Variants in THSD7A observed in about 807,000 individuals in gnomAD.
THSD7A encodes thrombospondin type-1 domain-containing protein 7A.
Under a neutral mutation model 231.3 loss-of-function variants are expected in THSD7A, and 96 were observed. The ratio of observed to expected loss-of-function variants is 0.41; its 90% CI spans 0.35 to 0.49. The LOEUF (loss-of-function observed/expected upper bound fraction) is 0.49. Among genes scored for constraint, THSD7A ranks in the 20% least tolerant of loss-of-function variants. THSD7A has a pLI of 0.05. For missense variants in THSD7A, 2,290 were observed against 2,070.2 expected (o/e 1.11, Z -2.06); for synonymous variants, 940 against 743.3 (o/e 1.26, Z -4.30).
chr7:11,558,921 T>C (rs1789961296), intron 4 of THSD7A, among the ~76,000 whole-genome samples: 2 of 152,142 alleles, frequency 1.3e-5, no homozygotes, highest in South Asian at 4.1e-4. Flanking sequence ...CCCAATCTAC[T>C]TACATTATTA....
Position 11,436,271 on chromosome 7 carries a change from GATTT to G in THSD7A, c.3065-7150_3065-7147del, listed in dbSNP as rs571509802. ...TATTAATTTTGAAGCTTATTAAAAT[GATTT>G]ATTTTTAACTTGATCCAGTGCAATG... On this transcript the variant is annotated intron_variant, in intron 13 of 27. Coordinates refer to ENST00000423059, the MANE Select transcript of THSD7A (RefSeq NM_015204.3). Among the ~76,000 whole-genome samples, 683 of 152,170 alleles carry G rather than the reference GATTT, an allele frequency of 4.5e-3. 5 individuals carry two copies. The highest frequency in any genetic ancestry group is 0.016 in the African/African-American group (644 of 41,540).
intron 6 of THSD7A, among the ~76,000 whole-genome samples, chr7:11,531,575 A>G (rs1054686359): frequency 6.6e-6 from 1 of 152,162 alleles, no homozygotes; most frequent in Admixed American, 6.5e-5. Context: ...TTCTGCCCTA[A>G]ATGTTCTCTT....
At chr7:11,794,044 T>C (rs1784046636) in intron 1 of THSD7A, among the ~76,000 whole-genome samples, 1 of 151,862 alleles carries the variant, frequency 6.6e-6, no homozygotes, top group South Asian at 2.1e-4. Context: ...TGAAAGATAA[T>C]TGGAAGAAAC....
intron 1 of THSD7A, among the ~76,000 whole-genome samples, chr7:11,818,219 T>C (rs1784769598): frequency 6.6e-6 from 1 of 152,198 alleles, no homozygotes; most frequent in Non-Finnish European, 1.5e-5. Flanking sequence ...GAAAACATTT[T>C]CTACAGACTA....
intron 2 of THSD7A, among the ~76,000 whole-genome samples, chr7:11,618,305 T>C (rs901813310): frequency 6.6e-6 from 1 of 152,212 alleles, no homozygotes; most frequent in Non-Finnish European, 1.5e-5. Flanking sequence ...TGTATACACA[T>C]GCATATTGTA....
Position 11,607,012 on chromosome 7 carries a change from A to C in THSD7A, c.1023-13510T>G, listed in dbSNP as rs144143523. On this transcript the variant is annotated intron_variant, in intron 2 of 27. Coordinates refer to ENST00000423059, the MANE Select transcript of THSD7A (RefSeq NM_015204.3). ...CCCTAGAACTTAAAGTATAATAATA[A>C]AAAAATATATATATAAAAGAAAAAG... is the stretch of plus-strand genomic sequence containing the variant. Among the ~76,000 whole-genome samples the C allele has an allele frequency of 3.8e-3, 582 of 151,774 alleles. 20 individuals are homozygous for C. In the East Asian group the frequency reaches 0.078, roughly 20 times the overall value.
At chr7:11,611,787 AACACACACACACACACACAC>A (rs56683135) in intron 2 of THSD7A, among the ~76,000 whole-genome samples, 4 of 138,686 alleles carry the variant, frequency 2.9e-5, no homozygotes, top group South Asian at 2.4e-4. Context: ...AGTACCATAA[AACACACACACACACACACAC>A]ACACACACAC....
At position 11,375,774 on chromosome 7, in the gene THSD7A, T is replaced by C. The variant is rs1782244614; in HGVS notation, c.*20A>G. 6.2e-7 allele frequency: 1 copy of C among 1,608,904 alleles called. No homozygotes were observed. Among genetic ancestry groups the C allele is most frequent in the Non-Finnish European group, 8.5e-7 (1 of 1,176,528 alleles). ...GAAGTCAGAAAGCCGAAACTGGTTG[T>C]TGCCAGGAAAAGTTATATGTTACAT... On this transcript the variant is annotated 3_prime_UTR_variant, in exon 28 of 28. Transcript: ENST00000423059.
intron 1 of THSD7A, among the ~76,000 whole-genome samples, chr7:11,805,850 T>C (rs1169474322): frequency 6.6e-6 from 1 of 152,176 alleles, no homozygotes. Flanking sequence ...TTATTTTATA[T>C]ACATATATAT....
intron 13 of THSD7A, among the ~76,000 whole-genome samples, chr7:11,440,705 A>G (rs1784776970): frequency 6.6e-6 from 1 of 152,038 alleles, no homozygotes; most frequent in East Asian, 1.9e-4. Context: ...CAATCTCATG[A>G]TAACACTTGA....
At chr7:11,680,211 T>A (rs2128138674) in intron 1 of THSD7A, among the ~76,000 whole-genome samples, 2 of 152,192 alleles carry the variant, frequency 1.3e-5, no homozygotes, top group East Asian at 3.9e-4. Flanking sequence ...CAAGATGGAT[T>A]AAGGACTTCA....
intron 1 of THSD7A, among the ~76,000 whole-genome samples, chr7:11,811,405 A>G (rs978211565): frequency 6.6e-6 from 1 of 152,192 alleles, no homozygotes; most frequent in African/African-American, 2.4e-5. Flanking sequence ...TTCCTCCTCA[A>G]GAGACTTTTT....
intron 1 of THSD7A, among the ~76,000 whole-genome samples, chr7:11,737,166 C>T (rs66784951): frequency 0.19 from 29,439 of 151,868 alleles, 3,734 homozygotes; most frequent in African/African-American, 0.36. Flanking sequence ...ATGAATACAG[C>T]ACTTTAGTAT....
chr7:11,506,854 T>C (rs1173622139), intron 6 of THSD7A, among the ~76,000 whole-genome samples: 2 of 151,068 alleles, frequency 1.3e-5, no homozygotes, highest in African/African-American at 2.4e-5. Flanking sequence ...GACCCACCTG[T>C]CACTCTCCAT....
chr7:11,447,139 T>G (rs1268191840), intron 12 of THSD7A, 91 bp downstream of exon 12: 1 of 1,240,618 alleles, frequency 8.1e-7, no homozygotes, highest in African/African-American at 1.5e-5. Flanking sequence ...ATATTATTTT[T>G]CAAATACACT....
intron 1 of THSD7A, among the ~76,000 whole-genome samples, chr7:11,771,702 T>A (rs1298298718): frequency 6.6e-6 from 1 of 152,130 alleles, no homozygotes; most frequent in East Asian, 1.9e-4. Context: ...CATCGCTAAT[T>A]GATAAGGTTT....
At chr7:11,724,618 T>G (rs1781481325) in intron 1 of THSD7A, among the ~76,000 whole-genome samples, 1 of 151,930 alleles carries the variant, frequency 6.6e-6, no homozygotes, top group Non-Finnish European at 1.5e-5. Flanking sequence ...TATCTAAATT[T>G]TGATACTTTG....
intron 20 of THSD7A, 59 bp downstream of exon 20, chr7:11,407,247 G>T (rs1783616635): frequency 1.4e-6 from 2 of 1,469,838 alleles, no homozygotes; most frequent in Non-Finnish European, 9.4e-7. Context: ...AAGCAAGAGG[G>T]ATATTTTATT....
intron 6 of THSD7A, among the ~76,000 whole-genome samples, chr7:11,512,942 G>T (rs1259019245): frequency 6.9e-5 from 7 of 101,976 alleles, no homozygotes; most frequent in African/African-American, 1.8e-4. Context: ...AAGAAACTAT[G>T]ATATATATAT....
Sources: gnomAD v4.1 joint callset for allele counts (sites outside exome capture counted in the v4.1 genomes callset) on GRCh38, gnomAD v4.1.1 for gene constraint, MANE v1.5 for transcripts, NCBI Gene and HGNC (gene_info 2026-07-23, HGNC 2026-07-21) for gene names.